GREM2: variants seen among roughly 807,000 people sequenced by gnomAD.
GREM2 encodes gremlin-2.
A neutral mutation model predicts 14.2 loss-of-function variants in GREM2; 11 were observed. The ratio of observed to expected loss-of-function variants is 0.78; its 90% CI spans 0.49 to 1.28. The LOEUF is 1.28. Among genes scored for constraint, GREM2 ranks in the 50% most tolerant of loss-of-function variants. The probability of loss-of-function intolerance (pLI) is 0.00; values close to 1 mark genes in which losing one functional copy is unlikely to be tolerated. For synonymous variants in GREM2, 98 were observed against 97.6 expected, an observed-to-expected ratio of 1.00 and a Z score of -0.02; for missense variants, 210 against 218.5, an observed-to-expected ratio of 0.96 and a Z score of 0.24.
chr1:240,545,915 A>C (rs1351263605), intron 1 of GREM2, among the ~76,000 whole-genome samples: 3 of 152,232 alleles, frequency 2.0e-5, no homozygotes, highest in Non-Finnish European at 4.4e-5. Flanking sequence ...TGTTTAATTA[A>C]CCAAGTAATG....
intron 1 of GREM2, among the ~76,000 whole-genome samples, chr1:240,554,282 G>T (rs1678912481): frequency 6.6e-6 from 1 of 151,712 alleles, no homozygotes; most frequent in African/African-American, 2.4e-5. Flanking sequence ...GTGGTAGCGG[G>T]AGCCGGTAAT....
intron 1 of GREM2, among the ~76,000 whole-genome samples, chr1:240,505,914 T>C (rs1677666878): frequency 6.6e-6 from 1 of 152,110 alleles, no homozygotes; most frequent in Non-Finnish European, 1.5e-5. Context: ...TGTATAATAG[T>C]GGGTATAAAA....
At chr1:240,599,304 G>T (rs1445260875) in intron 1 of GREM2, among the ~76,000 whole-genome samples, 1 of 151,990 alleles carries the variant, frequency 6.6e-6, no homozygotes, top group East Asian at 1.9e-4. Flanking sequence ...GTAAGTGAGG[G>T]CTGTGTCTAC....
At chr1:240,610,303 AT>A (rs34584796) in intron 1 of GREM2, among the ~76,000 whole-genome samples, 31,835 of 152,112 alleles carry the variant, frequency 0.21, 4,099 homozygotes, top group Middle Eastern at 0.32. Flanking sequence ...AGGAAAAAAA[AT>A]TTATCTATAA....
At chr1:240,585,460 T>C (rs1208338440) in intron 1 of GREM2, among the ~76,000 whole-genome samples, 4 of 152,026 alleles carry the variant, frequency 2.6e-5, no homozygotes, top group African/African-American at 9.7e-5. Flanking sequence ...CTGGGCACGG[T>C]GGCTCACCCC....
intron 1 of GREM2, among the ~76,000 whole-genome samples, chr1:240,610,901 C>T (rs1260021119): frequency 6.6e-6 from 1 of 152,180 alleles, no homozygotes; most frequent in African/African-American, 2.4e-5. Flanking sequence ...TTTTAACTGA[C>T]TTCTTGCAGT....
chr1:240,513,199 C>A (rs1434446257), intron 1 of GREM2, among the ~76,000 whole-genome samples: 1 of 152,058 alleles, frequency 6.6e-6, no homozygotes, highest in Admixed American at 6.5e-5. Context: ...GAATAACAAG[C>A]AAGGATGATA....
intron 1 of GREM2, among the ~76,000 whole-genome samples, chr1:240,573,202 C>T (rs1679292815): frequency 6.6e-6 from 1 of 152,054 alleles, no homozygotes. Context: ...GTAGCTCATG[C>T]CTGTAATCCC....
intron 1 of GREM2, among the ~76,000 whole-genome samples, chr1:240,606,507 G>A (rs1680027752): frequency 6.6e-6 from 1 of 152,022 alleles, no homozygotes; most frequent in East Asian, 1.9e-4. Flanking sequence ...GTTATTCCTG[G>A]TCTTTCCTAC....
intron 1 of GREM2, among the ~76,000 whole-genome samples, chr1:240,503,506 C>A (rs1478608692): frequency 6.6e-6 from 1 of 152,196 alleles, no homozygotes; most frequent in Non-Finnish European, 1.5e-5. Context: ...TTAAAGATTT[C>A]TCGTCACTTA....
intron 1 of GREM2, chr1:240,530,489 T>C (rs1004952524): frequency 6.3e-4 from 96 of 152,224 alleles, no homozygotes; most frequent in African/African-American, 2.2e-3. Flanking sequence ...CTCTAAAATA[T>C]ATGACTCTGT....
At chr1:240,521,382 C>A (rs1017929012) in intron 1 of GREM2, among the ~76,000 whole-genome samples, 4 of 151,928 alleles carry the variant, frequency 2.6e-5, no homozygotes, top group Middle Eastern at 3.2e-3. Context: ...TCCTGGCTAA[C>A]ACGGTGAAAC....
intron 1 of GREM2, among the ~76,000 whole-genome samples, chr1:240,575,604 T>A (rs893494809): frequency 6.6e-6 from 1 of 151,930 alleles, no homozygotes; most frequent in African/African-American, 2.4e-5. Context: ...CACTGCAATC[T>A]CCGCCTCCCG....
intron 1 of GREM2, among the ~76,000 whole-genome samples, chr1:240,557,629 G>A (rs965522653): frequency 6.6e-6 from 1 of 151,856 alleles, no homozygotes; most frequent in African/African-American, 2.4e-5. Flanking sequence ...TATATTTTTA[G>A]GCATATACAT....
At chr1:240,574,861 C>G (rs181015767) in intron 1 of GREM2, among the ~76,000 whole-genome samples, 1 of 152,144 alleles carries the variant, frequency 6.6e-6, no homozygotes, top group South Asian at 2.1e-4. Flanking sequence ...GTAATCCCAG[C>G]ACTTTGGGAG....
At chr1:240,531,286 T>C (rs1215879162) in intron 1 of GREM2, among the ~76,000 whole-genome samples, 1 of 152,230 alleles carries the variant, frequency 6.6e-6, no homozygotes, top group Non-Finnish European at 1.5e-5. Context: ...GGATTTTCTT[T>C]CTAACCCGCT....
intron 1 of GREM2, among the ~76,000 whole-genome samples, chr1:240,605,460 G>A (rs909816153): frequency 1.3e-5 from 2 of 151,970 alleles, no homozygotes; most frequent in Non-Finnish European, 2.9e-5. Context: ...ACTCCAGCCT[G>A]GGCAGCAGAA....
chr1:240,541,137 G>C, intron 1 of GREM2, among the ~76,000 whole-genome samples: 1 of 152,202 alleles, frequency 6.6e-6, no homozygotes, highest in South Asian at 2.1e-4. Context: ...GGTGGGATCC[G>C]TATGAATAAC....
chr1:240,493,533 TCTTA>T (rs2103268390), intron 1 of GREM2, 57 bp from the exon 2 acceptor site: 4 of 1,450,966 alleles, frequency 2.8e-6, no homozygotes, highest in African/African-American at 1.5e-5. Context: ...ACGGGATCAA[TCTTA>T]CTTATTTTTT....
Sources: gnomAD v4.1 joint callset for allele counts (sites outside exome capture counted in the v4.1 genomes callset) on GRCh38, gnomAD v4.1.1 for gene constraint, MANE v1.5 for transcripts, NCBI Gene and HGNC (gene_info 2026-07-23, HGNC 2026-07-21) for gene names.